FSTL5: variants seen among roughly 807,000 people sequenced by gnomAD.
The protein encoded by FSTL5 is follistatin-related protein 5.
FSTL5 carries 62 observed loss-of-function variants against 89.1 expected under a neutral mutation model. That is an observed-to-expected ratio of 0.70 (90% CI 0.57 to 0.86). FSTL5 has a LOEUF of 0.86. Ranked by LOEUF, FSTL5 falls within the 40% of genes least tolerant of loss-of-function variation. The pLI is 0.00. For missense variants in FSTL5, 1,057 were observed against 1,001.6 expected, an observed-to-expected ratio of 1.06 and a Z score of -0.75; for synonymous variants, 383 against 346.2, an observed-to-expected ratio of 1.11 and a Z score of -1.18.
intron 8 of FSTL5, among the ~76,000 whole-genome samples, chr4:161,584,500 T>A (rs187156964): frequency 1.2e-3 from 178 of 152,342 alleles, no homozygotes; most frequent in African/African-American, 4.1e-3. Flanking sequence ...TAAAAGATGA[T>A]CATATCTGTA....
chr4:161,442,080 A>G (rs1220822391), intron 15 of FSTL5, among the ~76,000 whole-genome samples: 1 of 151,922 alleles, frequency 6.6e-6, no homozygotes, highest in African/African-American at 2.4e-5. Context: ...TAGACCAAAA[A>G]GGTCACTAAA....
rs1731409040 is a variant in FSTL5 at position 161,407,062 on chromosome 4, A to T, written c.1842-20613T>A. On this transcript the variant is annotated intron_variant, in intron 15 of 15. Transcript: ENST00000306100. ...ATTGGGGTAAAGGGGAATGGGAAGT[A>T]ATTGCTAATCTGATACAGGTTCTCC... Among the ~76,000 whole-genome samples, 5 of 152,152 alleles carry T rather than the reference A, an allele frequency of 3.3e-5. No individual in the cohort carries two copies. In the South Asian group the frequency reaches 1.0e-3, roughly 31 times the overall value.
intron 1 of FSTL5, among the ~76,000 whole-genome samples, chr4:162,148,577 T>C (rs971698477): frequency 2.6e-5 from 4 of 152,166 alleles, no homozygotes; most frequent in Non-Finnish European, 2.9e-5. Flanking sequence ...TATATATACA[T>C]TTATACATTA....
chr4:161,402,131 C>T (rs1731198479), intron 15 of FSTL5, among the ~76,000 whole-genome samples: 1 of 152,092 alleles, frequency 6.6e-6, no homozygotes, highest in African/African-American at 2.4e-5. Flanking sequence ...AGGGATCTAG[C>T]TAACACTTTT....
At chr4:161,951,533 GTAC>G (rs1346773426) in intron 3 of FSTL5, among the ~76,000 whole-genome samples, 2 of 152,054 alleles carry the variant, frequency 1.3e-5, no homozygotes, top group Non-Finnish European at 2.9e-5. Context: ...AGAGTAAAAA[GTAC>G]TATTATTTGC....
At chr4:161,545,369 TA>T (rs1424798311) in intron 8 of FSTL5, among the ~76,000 whole-genome samples, 1 of 152,052 alleles carries the variant, frequency 6.6e-6, no homozygotes, top group Admixed American at 6.6e-5. Flanking sequence ...ACACGTAATT[TA>T]AAAAATAATA....
At chr4:161,792,339 C>T (rs954909277) in intron 4 of FSTL5, among the ~76,000 whole-genome samples, 2 of 152,056 alleles carry the variant, frequency 1.3e-5, no homozygotes, top group African/African-American at 4.8e-5. Flanking sequence ...CTAGGCGCCC[C>T]GCAGCATGAA....
intron 13 of FSTL5, among the ~76,000 whole-genome samples, chr4:161,475,589 T>A (rs1186013427): frequency 6.6e-6 from 1 of 152,180 alleles, no homozygotes; most frequent in Non-Finnish European, 1.5e-5. Flanking sequence ...TTCAAATTTT[T>A]AAATATTTTT....
intron 15 of FSTL5, among the ~76,000 whole-genome samples, chr4:161,407,720 A>G (rs1211779417): frequency 8.2e-6 from 1 of 121,978 alleles, no homozygotes; most frequent in Non-Finnish European, 1.9e-5. Context: ...CTGCTTCCCC[A>G]TGGGACTGGG....
chr4:161,620,246 G>C (rs1296227096), intron 7 of FSTL5, among the ~76,000 whole-genome samples: 1 of 150,854 alleles, frequency 6.6e-6, no homozygotes. Context: ...GCTAAATGAC[G>C]AGTTAATGGG....
intron 3 of FSTL5, among the ~76,000 whole-genome samples, chr4:161,984,252 G>A (rs907924143): frequency 6.6e-6 from 1 of 151,828 alleles, no homozygotes; most frequent in Non-Finnish European, 1.5e-5. Context: ...ACAGAGTAAT[G>A]TGTAAAGTGA....
At chr4:161,554,042 C>T (rs1290453136) in intron 8 of FSTL5, among the ~76,000 whole-genome samples, 3 of 151,282 alleles carry the variant, frequency 2.0e-5, no homozygotes, top group Non-Finnish European at 3.0e-5. Flanking sequence ...TACATTTTAA[C>T]ATTACACAAA....
intron 4 of FSTL5, among the ~76,000 whole-genome samples, chr4:161,795,906 CATT>C (rs1031279301): frequency 7.2e-5 from 11 of 151,934 alleles, no homozygotes; most frequent in Middle Eastern, 3.4e-3. Context: ...TCTTTATCAT[CATT>C]GATTTGGCTT....
chr4:161,753,871 T>A lies in FSTL5; in HGVS notation c.727+5540A>T, dbSNP rs1383049621. On this transcript the variant is annotated intron_variant, in intron 6 of 15. Coordinates refer to ENST00000306100, the MANE Select transcript of FSTL5 (RefSeq NM_020116.5). ...TCCTGGCTATCACGGTGAAACCCCC[T>A]CTCTACTAAAAATGCAAAAAATTAG... 2.6e-5 allele frequency among the ~76,000 whole-genome samples: 4 copies of A among 151,698 alleles called. No individual in the cohort carries two copies. In the East Asian group the frequency reaches 5.8e-4, roughly 22 times the overall value.
intron 2 of FSTL5, among the ~76,000 whole-genome samples, chr4:162,060,553 T>C (rs928635280): frequency 6.6e-6 from 1 of 152,088 alleles, no homozygotes; most frequent in African/African-American, 2.4e-5. Flanking sequence ...ATATAGTATA[T>C]TCTACATATG....
intron 3 of FSTL5, among the ~76,000 whole-genome samples, chr4:161,944,755 T>C (rs1734690067): frequency 6.6e-6 from 1 of 151,890 alleles, no homozygotes; most frequent in Non-Finnish European, 1.5e-5. Context: ...AATGGTGTAA[T>C]TTTTGATATT....
intron 2 of FSTL5, among the ~76,000 whole-genome samples, chr4:162,059,471 T>C (rs908239966): frequency 6.6e-5 from 10 of 152,166 alleles, no homozygotes; most frequent in Non-Finnish European, 1.3e-4. Context: ...TACCATCCTA[T>C]TGGGAATTCA....
intron 3 of FSTL5, among the ~76,000 whole-genome samples, chr4:162,022,431 A>G (rs984417177): frequency 1.1e-4 from 16 of 152,070 alleles, no homozygotes; most frequent in Admixed American, 4.6e-4. Flanking sequence ...TTAAAACACA[A>G]TTTATTAAAA....
At chr4:161,387,843 G>A (rs1196392100) in intron 15 of FSTL5, 2 of 151,952 alleles carry the variant, frequency 1.3e-5, no homozygotes, top group Non-Finnish European at 2.9e-5. Context: ...TAAAATTTAT[G>A]AGGAGACTAT....
Sources: gnomAD v4.1 joint callset for allele counts (sites outside exome capture counted in the v4.1 genomes callset) on GRCh38, gnomAD v4.1.1 for gene constraint, MANE v1.5 for transcripts, NCBI Gene and HGNC (gene_info 2026-07-23, HGNC 2026-07-21) for gene names.